The following PLPPR1 variants were observed in gnomAD, a reference collection of about 807,000 sequenced individuals.
The protein encoded by PLPPR1 is phospholipid phosphatase related 1, also known as phospholipid phosphatase-related protein type 1.
Under a neutral mutation model 33.1 loss-of-function variants are expected in PLPPR1, and 10 were observed. The observed-to-expected ratio is 0.30, with a 90% CI of 0.19 to 0.51. The LOEUF (loss-of-function observed/expected upper bound fraction) is 0.51, where lower values mean the gene tolerates loss of function less well. PLPPR1 is among the 20% of genes least tolerant of loss of function. The pLI is 0.97. For synonymous variants in PLPPR1, 151 were observed against 151.0 expected (o/e 1.00, Z 0.00); for missense variants, 304 against 408.1 (o/e 0.74, Z 2.20).
chr9:101,317,552 C>A, intron 7 of PLPPR1, 56 bp downstream of exon 7: 1 of 1,525,352 alleles, frequency 6.6e-7, no homozygotes, highest in South Asian at 1.2e-5. Flanking sequence ...TTTGGGAGGT[C>A]AGTATCAATC....
intron 1 of PLPPR1, among the ~76,000 whole-genome samples, chr9:101,134,909 G>A (rs1430379032): frequency 1.3e-5 from 2 of 152,090 alleles, no homozygotes; most frequent in South Asian, 4.1e-4. Context: ...GTGGGGCTGG[G>A]TATGGCTTAT....
intron 1 of PLPPR1, among the ~76,000 whole-genome samples, chr9:101,071,830 A>G (rs1203224831): frequency 6.6e-6 from 1 of 152,190 alleles, no homozygotes; most frequent in East Asian, 1.9e-4. Context: ...TTAGGAACAT[A>G]GAGCCCAGGG....
At chr9:101,292,821 G>T (rs963851522) in intron 4 of PLPPR1, among the ~76,000 whole-genome samples, 32 of 151,740 alleles carry the variant, frequency 2.1e-4, no homozygotes, top group African/African-American at 7.8e-4. Context: ...ACATGGAAAG[G>T]AACAACCAGT....
At chr9:101,298,378 C>T (rs761177979) in intron 4 of PLPPR1, among the ~76,000 whole-genome samples, 23 of 152,090 alleles carry the variant, frequency 1.5e-4, no homozygotes, top group Non-Finnish European at 2.1e-4. Flanking sequence ...ATTCATGTAA[C>T]GCTAATTAAT....
chr9:101,069,520 G>T (rs567473240), intron 1 of PLPPR1, among the ~76,000 whole-genome samples: 2 of 152,160 alleles, frequency 1.3e-5, no homozygotes, highest in African/African-American at 4.8e-5. Flanking sequence ...AGGCATCTTG[G>T]ACACTCCACA....
chr9:101,053,642 G>A (rs1443457061), intron 1 of PLPPR1, among the ~76,000 whole-genome samples: 1 of 152,128 alleles, frequency 6.6e-6, no homozygotes, highest in Non-Finnish European at 1.5e-5. Flanking sequence ...ATGAGATACT[G>A]TCTGTATGTT....
chr9:101,158,375 T>A (rs769790800), intron 1 of PLPPR1, among the ~76,000 whole-genome samples: 2 of 151,988 alleles, frequency 1.3e-5, no homozygotes, highest in African/African-American at 4.8e-5. Context: ...GAGAGTGAGA[T>A]GGAAGGTGAT....
At chr9:101,237,313 C>A (rs527350026) in intron 2 of PLPPR1, among the ~76,000 whole-genome samples, 1 of 151,802 alleles carries the variant, frequency 6.6e-6, no homozygotes, top group South Asian at 2.1e-4. Flanking sequence ...AGCAATCTCA[C>A]TACTGGGTGT....
chr9:101,296,560 C>T (rs1564030269), intron 4 of PLPPR1, among the ~76,000 whole-genome samples: 1 of 152,108 alleles, frequency 6.6e-6, no homozygotes, highest in Non-Finnish European at 1.5e-5. Context: ...AAATGTCCAA[C>T]AGTGATCCAC....
intron 1 of PLPPR1, among the ~76,000 whole-genome samples, chr9:101,031,919 G>GT (rs1829950132): frequency 6.6e-6 from 1 of 152,148 alleles, no homozygotes; most frequent in African/African-American, 2.4e-5. Context: ...TATAGAGTGA[G>GT]TTTTTTAGAG....
At chr9:101,122,958 A>G (rs1053983527) in intron 1 of PLPPR1, among the ~76,000 whole-genome samples, 1 of 152,182 alleles carries the variant, frequency 6.6e-6, no homozygotes, top group Non-Finnish European at 1.5e-5. Flanking sequence ...TTTCTTAAGT[A>G]CAATGTTTTG....
At chr9:101,169,413 G>A (rs566978602) in intron 1 of PLPPR1, among the ~76,000 whole-genome samples, 2 of 152,174 alleles carry the variant, frequency 1.3e-5, no homozygotes, top group East Asian at 3.9e-4. Flanking sequence ...AGGAATTAGG[G>A]CAATGCCCTT....
chr9:101,185,243 A>C, intron 1 of PLPPR1: 1 of 399,890 alleles, frequency 2.5e-6, no homozygotes, highest in South Asian at 8.0e-5. Flanking sequence ...TTTTGGCTGT[A>C]AAACTATTCA....
chr9:101,162,752 C>A (rs1825785777), intron 1 of PLPPR1, among the ~76,000 whole-genome samples: 1 of 152,154 alleles, frequency 6.6e-6, no homozygotes, highest in Admixed American at 6.5e-5. Flanking sequence ...CATCACGGAG[C>A]TCTACATGCT....
At chr9:101,086,566 G>T (rs1418252091) in intron 1 of PLPPR1, among the ~76,000 whole-genome samples, 1 of 152,090 alleles carries the variant, frequency 6.6e-6, no homozygotes, top group African/African-American at 2.4e-5. Flanking sequence ...TCCCCTGAAG[G>T]GTGATCTGGG....
At chr9:101,289,050 G>C (rs751514841) in intron 4 of PLPPR1, among the ~76,000 whole-genome samples, 4 of 152,194 alleles carry the variant, frequency 2.6e-5, no homozygotes, top group East Asian at 1.9e-4. Flanking sequence ...GCCTCATCCC[G>C]AGCCACTCCC....
At chr9:101,160,551 A>G (rs757349554) in intron 1 of PLPPR1, among the ~76,000 whole-genome samples, 12 of 152,200 alleles carry the variant, frequency 7.9e-5, no homozygotes, top group Non-Finnish European at 1.5e-4. Context: ...ATATTCCGTG[A>G]CATAGTATGA....
At chr9:101,211,491 C>A (rs189281934) in intron 2 of PLPPR1, among the ~76,000 whole-genome samples, 224 of 152,276 alleles carry the variant, frequency 1.5e-3, no homozygotes, top group African/African-American at 5.2e-3. Flanking sequence ...CTGCAACAAG[C>A]AAACCAAACT....
intron 2 of PLPPR1, among the ~76,000 whole-genome samples, chr9:101,209,484 C>T (rs1455489922): frequency 2.0e-5 from 3 of 152,178 alleles, no homozygotes; most frequent in Admixed American, 2.0e-4. Context: ...TTTCTTGGCC[C>T]CTTCAGTCCA....
Sources: gnomAD v4.1 joint callset for allele counts (sites outside exome capture counted in the v4.1 genomes callset) on GRCh38, gnomAD v4.1.1 for gene constraint, MANE v1.5 for transcripts, NCBI Gene and HGNC (gene_info 2026-07-23, HGNC 2026-07-21) for gene names.